LCK: variants seen among roughly 807,000 people sequenced by gnomAD.
The protein encoded by LCK is LCK proto-oncogene, Src family tyrosine kinase.
Under a neutral mutation model 64.6 loss-of-function variants are expected in LCK, and 14 were observed. The observed-to-expected ratio is 0.22, with a 90% confidence interval of 0.14 to 0.34. The LOEUF is 0.34. LCK is among the 10% of genes least tolerant of loss of function. LCK has a pLI of 1.00. For missense variants in LCK, 434 were observed against 668.1 expected (o/e 0.65, Z 3.86); for synonymous variants, 277 against 263.6 (o/e 1.05, Z -0.49).
intron 1 of LCK, among the ~76,000 whole-genome samples, chr1:32,264,687 A>T (rs1639866392): frequency 6.6e-6 from 1 of 152,082 alleles, no homozygotes; most frequent in Non-Finnish European, 1.5e-5. Flanking sequence ...TCTTCCCCAC[A>T]TGGATCTCAT....
chr1:32,256,167 C>T (rs1304071435), intron 1 of LCK, among the ~76,000 whole-genome samples: 1 of 151,830 alleles, frequency 6.6e-6, no homozygotes, highest in Non-Finnish European at 1.5e-5. Context: ...TAGATGGAGT[C>T]TTGCTCTGTC....
At chr1:32,262,463 C>T (rs1311750469) in intron 1 of LCK, among the ~76,000 whole-genome samples, 1 of 150,298 alleles carries the variant, frequency 6.7e-6, no homozygotes, top group East Asian at 2.0e-4. Context: ...AGTTCTGTCA[C>T]CCAGGCTTGA....
chr1:32,278,702 T>C (rs1452248993), intron 9 of LCK, among the ~76,000 whole-genome samples: 3 of 152,176 alleles, frequency 2.0e-5, no homozygotes, highest in South Asian at 4.1e-4. Flanking sequence ...CTGAGGTTCA[T>C]TGGAAGTGAG....
intron 1 of LCK, among the ~76,000 whole-genome samples, chr1:32,258,170 C>A (rs1639673394): frequency 6.6e-6 from 1 of 151,888 alleles, no homozygotes; most frequent in Non-Finnish European, 1.5e-5. Flanking sequence ...GTGGTCCCAG[C>A]TACTCAGGAG....
chr1:32,278,404 T>C (rs1046673060), intron 9 of LCK, among the ~76,000 whole-genome samples: 1 of 151,966 alleles, frequency 6.6e-6, no homozygotes, highest in African/African-American at 2.4e-5. Flanking sequence ...AGTGGCATGA[T>C]CTCGGCTCAC....
chr1:32,255,296 T>C (rs755143474), intron 1 of LCK, among the ~76,000 whole-genome samples: 20 of 152,154 alleles, frequency 1.3e-4, no homozygotes, highest in Non-Finnish European at 2.8e-4. Context: ...GGGATAATAA[T>C]AGCACTTCAT....
rs767047658 is a variant in LCK at position 32,274,885 on chromosome 1, C to CCCCCA, written c.187+70_187+74dup. 1.4e-5 allele frequency: 23 copies of CCCCCA among 1,613,652 alleles called. No homozygotes were observed. In the African/African-American group the frequency reaches 2.3e-4, roughly 16 times the overall value. ...TCCCTGGCTGTTGGCTTCCACCTCT[C>CCCCCA]CCCCACCTACTTTCTCCCCGGTCTT... On this transcript the variant is annotated intron_variant, in intron 3 of 12. Transcript: ENST00000336890.
chr1:32,268,618 C>T (rs969944383), intron 1 of LCK, among the ~76,000 whole-genome samples: 1 of 151,594 alleles, frequency 6.6e-6, no homozygotes, highest in African/African-American at 2.4e-5. Flanking sequence ...TACCAGATAC[C>T]CATAAAAGTA....
At chr1:32,266,249 T>C (rs1262192453) in intron 1 of LCK, among the ~76,000 whole-genome samples, 2 of 151,508 alleles carry the variant, frequency 1.3e-5, no homozygotes, top group East Asian at 3.9e-4. Context: ...TCCCAGAACT[T>C]TGGGAGGCTG....
At chr1:32,255,802 T>TA (rs1639616601) in intron 1 of LCK, among the ~76,000 whole-genome samples, 1 of 112,990 alleles carries the variant, frequency 8.9e-6, no homozygotes, top group South Asian at 2.6e-4. Context: ...TTAAATTTAT[T>TA]TTTTTTTTTT....
intron 1 of LCK, chr1:32,274,023 G>C: frequency 4.5e-6 from 2 of 440,752 alleles, no homozygotes; most frequent in Non-Finnish European, 8.4e-6. Context: ...GGGGGCAGAG[G>C]CAGGAAGTGG....
chr1:32,264,788 G>A (rs559734529), intron 1 of LCK, among the ~76,000 whole-genome samples: 1 of 152,114 alleles, frequency 6.6e-6, no homozygotes, highest in East Asian at 2.0e-4. Flanking sequence ...AATAGAGAAA[G>A]GGTCTCACCA....
At chr1:32,254,924 G>A (rs1278834790) in intron 1 of LCK, among the ~76,000 whole-genome samples, 1 of 152,140 alleles carries the variant, frequency 6.6e-6, no homozygotes, top group Non-Finnish European at 1.5e-5. Flanking sequence ...CGTGATGGGA[G>A]GATCACATGG....
intron 1 of LCK, among the ~76,000 whole-genome samples, chr1:32,256,546 C>T (rs1374121633): frequency 2.0e-5 from 3 of 151,658 alleles, no homozygotes; most frequent in Admixed American, 6.6e-5. Context: ...TGCAGTGAAC[C>T]GAGATCGTGC....
chr1:32,266,106 C>T (rs936613153), intron 1 of LCK, among the ~76,000 whole-genome samples: 6 of 151,912 alleles, frequency 3.9e-5, no homozygotes, highest in Non-Finnish European at 8.8e-5. Flanking sequence ...ACTACAGGGG[C>T]GCACCACCAT....
intron 3 of LCK, 68 bp from the exon 4 acceptor site, chr1:32,274,925 C>T: frequency 6.2e-7 from 1 of 1,614,090 alleles, no homozygotes; most frequent in Non-Finnish European, 8.5e-7. Flanking sequence ...TCCTTGTCCC[C>T]CACCCTGTAA....
At chr1:32,257,060 G>A (rs892676320) in intron 1 of LCK, among the ~76,000 whole-genome samples, 2 of 152,080 alleles carry the variant, frequency 1.3e-5, no homozygotes, top group Non-Finnish European at 1.5e-5. Flanking sequence ...TGTCTATGTA[G>A]CAAGCACTAT....
At position 32,275,073 on chromosome 1, in the gene LCK, A is replaced by G. The variant is rs1640215228; in HGVS notation, c.268A>G (p.Ile90Val). ...LGFEKGEQLRILEQSGEWWKA... is the reference protein window; with the variant it reads ...LGFEKGEQLRVLEQSGEWWKA... Reference sequence around the variant, plus strand: ...CTTTGAGAAGGGGGAACAGCTCCGCATCCTGGAGCAGTGAGTCCCTCTCCA... The same window carrying G: ...CTTTGAGAAGGGGGAACAGCTCCGCGTCCTGGAGCAGTGAGTCCCTCTCCA... Residue 90 changes from isoleucine (I) to valine (V), a missense_variant, in exon 4 of 13, where the codon ATC becomes GTC. Around this residue, in one of 2 missense-constraint regions of LCK, gnomAD observed 233 missense variants for 291.2 expected, o/e 0.80. Coordinates refer to ENST00000336890, the MANE Select transcript of LCK (RefSeq NM_005356.5). The surrounding 1 kb of genome is among the most constrained non-coding windows in gnomAD (Gnocchi z 6.9). The G allele has an allele frequency of 3.7e-6, 6 of 1,610,752 alleles. No homozygotes were observed. Among genetic ancestry groups the G allele is most frequent in the Non-Finnish European group, 3.4e-6 (4 of 1,177,552 alleles).
At chr1:32,270,289 AG>A (rs1640041228) in intron 1 of LCK, among the ~76,000 whole-genome samples, 1 of 144,532 alleles carries the variant, frequency 6.9e-6, no homozygotes, top group Non-Finnish European at 1.5e-5. Flanking sequence ...TAGTAGAGAC[AG>A]GGTTTCACCA....
Sources: allele counts gnomAD v4.1 joint callset (sites outside exome capture counted in the v4.1 genomes callset), GRCh38; gene constraint gnomAD v4.1.1; regional missense constraint gnomAD v4.1.1; non-coding constraint Gnocchi (gnomAD v3.1); transcripts MANE v1.5; gene names NCBI Gene and HGNC (gene_info 2026-07-23, HGNC 2026-07-21).